IFT140: variants seen among roughly 807,000 people sequenced by gnomAD.
The protein encoded by IFT140 is intraflagellar transport 140, also known as intraflagellar transport protein 140 homolog.
Under a neutral mutation model 164.6 loss-of-function variants are expected in IFT140, and 133 were observed. That is an observed-to-expected ratio of 0.81 (90% CI 0.70 to 0.93). The LOEUF is 0.93. IFT140 is among the 40% of genes least tolerant of loss of function. IFT140 has a pLI of 0.00. For synonymous variants in IFT140, 860 were observed against 817.3 expected, an observed-to-expected ratio of 1.05 and a Z score of -0.89; for missense variants, 2,045 against 1,972.3, an observed-to-expected ratio of 1.04 and a Z score of -0.70.
At chr16:1,524,957 C>T (rs200547733) in intron 22 of IFT140, 41 bp from the exon 23 acceptor site, 115 of 1,576,042 alleles carry the variant, frequency 7.3e-5, no homozygotes, top group African/African-American at 5.6e-4. Flanking sequence ...ACCCGAGCCC[C>T]GCTCCAACCC....
At chr16:1,522,115 T>C (rs2040544165) in intron 26 of IFT140, among the ~76,000 whole-genome samples, 1 of 151,838 alleles carries the variant, frequency 6.6e-6, no homozygotes, top group South Asian at 2.1e-4. Context: ...CTCAAGCACT[T>C]TGGGAGGCTG....
In IFT140 at chr16:1,589,691, T is replaced by G. The variant is rs746754088; in HGVS notation, c.724A>C (p.Arg242=). The stretch of plus-strand genomic sequence containing the variant: ...TCTGTGACCACCACCAGTGCCTCCC[T>G]CTTCTCCATGTAGAACAGCATCTGA... ...TIQMLFYMEK[R]EALVVVTENL... is the part of the protein sequence containing the mutation. Residue 242 remains arginine, a synonymous_variant, in exon 7 of 31, where the codon AGG becomes CGG. Transcript: ENST00000426508. The G allele has an allele frequency of 1.9e-6, 3 of 1,614,034 alleles. No homozygotes were observed. The South Asian group carries it at 3.3e-5, about 18-fold the overall frequency.
At chr16:1,570,937 T>C (rs1200442644) in intron 14 of IFT140, among the ~76,000 whole-genome samples, 1 of 152,136 alleles carries the variant, frequency 6.6e-6, no homozygotes. Flanking sequence ...TAAAAGTTTT[T>C]GTAGAGACAG....
At chr16:1,514,143 T>A (rs188057451) in intron 30 of IFT140, 1 of 150,248 alleles carries the variant, frequency 6.7e-6, no homozygotes, top group South Asian at 2.1e-4. Context: ...CCAAGGTGGG[T>A]GGATCACGAG....
In IFT140 at chr16:1,525,308, C is replaced by A. The variant is rs374661866; in HGVS notation, c.2787G>T (p.Thr929=). 6 of 1,612,128 alleles carry A rather than the reference C, an allele frequency of 3.7e-6. No homozygotes were observed. Among genetic ancestry groups the A allele is most frequent in the Non-Finnish European group, 4.2e-6 (5 of 1,179,720 alleles). Residue 929 remains threonine, a synonymous_variant, in exon 22 of 31, where the codon ACG becomes ACT. Transcript: ENST00000426508. ...GCATCCTGGGCACCTCGAAGCGGTG[C>A]GTGTCCGACTTCTCGTAGCTGTGAG... The part of the protein sequence containing the change: ...RALSYYEKSD[T]HRFEVPRMLS...
intron 13 of IFT140, among the ~76,000 whole-genome samples, chr16:1,578,810 C>T (rs1263530334): frequency 1.3e-5 from 2 of 152,192 alleles, no homozygotes; most frequent in South Asian, 2.1e-4. Flanking sequence ...TGCCCAGGCT[C>T]AAGCCACCCT....
chr16:1,525,709 G>A (rs1244237951), intron 21 of IFT140, among the ~76,000 whole-genome samples, 178 bp downstream of exon 21: 1 of 152,178 alleles, frequency 6.6e-6, no homozygotes, highest in East Asian at 1.9e-4. Flanking sequence ...AGGATGGAAG[G>A]GGCAACCCCA....
intron 18 of IFT140, among the ~76,000 whole-genome samples, chr16:1,560,243 G>C (rs1567370971): frequency 6.6e-6 from 1 of 152,218 alleles, no homozygotes; most frequent in Non-Finnish European, 1.5e-5. Flanking sequence ...TGCTTTCCCA[G>C]TCTTCATGAA....
At position 1,564,313 on chromosome 16, in the gene IFT140, C is replaced by A; in HGVS notation, c.1902-151G>T. The A allele has an allele frequency of 2.0e-6, 1 of 511,168 alleles. No individual in the cohort carries two copies. Among genetic ancestry groups the A allele is most frequent in the South Asian group, 5.4e-5 (1 of 18,654 alleles). The allele number at this position is 511,168 out of a possible 1,614,324, so 31.7% of individuals were successfully genotyped here. A position where few individuals can be genotyped will look rare whatever the true frequency, so the allele number is the denominator to read the frequency against. On this transcript the variant is annotated intron_variant, in intron 16 of 30. Transcript: ENST00000426508. The surrounding 1 kb of genome is among the most constrained non-coding windows in gnomAD (Gnocchi z 5.5). ...TGGGAGAACTTTTGGGGTCTCACTG[C>A]CATGCGCCCTACTGGAACATGTTCT...
intron 29 of IFT140, 63 bp from the exon 30 acceptor site, chr16:1,518,420 C>T (rs1372603185): frequency 6.5e-7 from 1 of 1,532,442 alleles, no homozygotes; most frequent in African/African-American, 1.4e-5. Flanking sequence ...TATCAGAGGT[C>T]AGAGGAGACT....
intron 19 of IFT140, among the ~76,000 whole-genome samples, chr16:1,552,284 C>A (rs1248001542): frequency 6.6e-6 from 1 of 152,092 alleles, no homozygotes; most frequent in East Asian, 1.9e-4. Context: ...TTGCATCGCC[C>A]CCCTGCTGGG....
Position 1,589,786 on chromosome 16 carries a change from G to A in IFT140, c.635-6C>T. 1 of 1,610,064 alleles carries A rather than the reference G, an allele frequency of 6.2e-7. No individual in the cohort carries two copies. ...ATCCACATAGTGCACTGTCCCTGGG[G>A]ACAAACGTGGGGTCACTACATGAGG... On this transcript the variant is annotated splice_polypyrimidine_tract_variant and splice_region_variant and intron_variant, in intron 6 of 30. Transcript: ENST00000426508.
rs759146895 is a variant in IFT140 at position 1,592,195 on chromosome 16, GAAC to G, written c.612_614del (p.Leu204del). 8 of 1,614,104 alleles carry G rather than the reference GAAC, an allele frequency of 5.0e-6. No homozygotes were observed. Among genetic ancestry groups the G allele is most frequent in the Non-Finnish European group, 6.8e-6 (8 of 1,180,010 alleles). ...CCTCACCGTCCATCAGACTGACAAA[GAAC>G]AACAGCCCCTCGTGAGACCCCATCT... On this transcript the variant is annotated inframe_deletion, in exon 6 of 31. Transcript: ENST00000426508.
chr16:1,512,191 G>A (rs1255910624), intron 30 of IFT140, among the ~76,000 whole-genome samples: 5 of 112,768 alleles, frequency 4.4e-5, no homozygotes, highest in African/African-American at 7.3e-5. Context: ...CAGGACAGGC[G>A]GCATAGGTGG....
At chr16:1,539,283 A>G (rs2031398700) in intron 19 of IFT140, among the ~76,000 whole-genome samples, 1 of 150,492 alleles carries the variant, frequency 6.6e-6, no homozygotes, top group Non-Finnish European at 1.5e-5. Context: ...GGGCCTCACC[A>G]AGCCGCACAG....
intron 19 of IFT140, among the ~76,000 whole-genome samples, chr16:1,550,604 G>A (rs1031497270): frequency 2.0e-5 from 3 of 152,198 alleles, no homozygotes; most frequent in South Asian, 2.1e-4. Context: ...TAGGGCACCC[G>A]GCAGGCTGCC....
At chr16:1,542,614 C>T (rs533136461) in intron 19 of IFT140, among the ~76,000 whole-genome samples, 5 of 152,364 alleles carry the variant, frequency 3.3e-5, no homozygotes, top group African/African-American at 1.2e-4. Context: ...CTGGGGTCAG[C>T]GCAGGCCCTT....
chr16:1,573,655 G>C (rs983579848), intron 13 of IFT140, among the ~76,000 whole-genome samples: 11 of 152,010 alleles, frequency 7.2e-5, no homozygotes, highest in African/African-American at 1.9e-4. Flanking sequence ...TATACTCTCT[G>C]TAGCCACCCA....
At chr16:1,571,864 G>T (rs1202501393) in intron 13 of IFT140, among the ~76,000 whole-genome samples, 1 of 152,190 alleles carries the variant, frequency 6.6e-6, no homozygotes, top group African/African-American at 2.4e-5. Flanking sequence ...TAAGTGCCAT[G>T]TAGGTAAAGA....
Sources: allele counts gnomAD v4.1 joint callset (sites outside exome capture counted in the v4.1 genomes callset), GRCh38; gene constraint gnomAD v4.1.1; non-coding constraint Gnocchi (gnomAD v3.1); transcripts MANE v1.5; gene names NCBI Gene and HGNC (gene_info 2026-07-23, HGNC 2026-07-21).